ELF4: variants seen among roughly 807,000 people sequenced by gnomAD.
ELF4 encodes the protein E74 like ETS transcription factor 4, also known as ETS-related transcription factor Elf-4.
In ELF4, 10 loss-of-function variants were observed where a neutral mutation model predicts 31.7. The ratio of observed to expected loss-of-function variants is 0.32; its 90% CI spans 0.19 to 0.54. The LOEUF is 0.54. Ranked by LOEUF, ELF4 falls within the 20% of genes least tolerant of loss-of-function variation. The pLI is 0.95. For synonymous variants in ELF4, 208 were observed against 226.7 expected (o/e 0.92, Z 0.74); for missense variants, 418 against 522.0 (o/e 0.80, Z 1.94).
Position 130,072,384 on chromosome X carries a change from G to T in ELF4, c.374C>A (p.Pro125His). 1.6e-6 allele frequency: 2 copies of T among 1,212,262 alleles called. No individual in the cohort carries two copies. The highest frequency in any genetic ancestry group is 2.2e-6 in the Non-Finnish European group (2 of 895,599). Reference protein sequence around the residue: ...STSEMLPDSDPAPAVTLPNYL... With the variant: ...STSEMLPDSDHAPAVTLPNYL... ...GTTGGGCAGAGTGACAGCTGGTGCA[G>T]GGTCCGAGTCTGGAAGCATTTCGGA... The change falls in exon 5 of 9, where the codon CCT becomes CAT. Residue 125 changes from proline (P) to histidine (H), a missense_variant. This residue lies in a region of ELF4 where 88 missense variants were observed against 92.4 expected (regional missense o/e 0.95). Transcript: ENST00000308167.
chrX:130,073,948 A>G, intron 4 of ELF4, 101 bp downstream of exon 4: 1 of 845,260 alleles, frequency 1.2e-6, no homozygotes, highest in Non-Finnish European at 1.8e-6. Context: ...GTGCATGTAT[A>G]CCTGTGTGCA....
At chrX:130,098,217 T>G (rs1933185561) in intron 1 of ELF4, among the ~76,000 whole-genome samples, 1 of 111,600 alleles carries the variant, frequency 9.0e-6, no homozygotes, top group Non-Finnish European at 1.9e-5. Context: ...CATAGTGCTT[T>G]ATGCAGCTTG....
intron 1 of ELF4, among the ~76,000 whole-genome samples, chrX:130,100,290 G>A (rs954995870): frequency 7.2e-5 from 8 of 111,834 alleles, no homozygotes; most frequent in African/African-American, 2.0e-4. Context: ...CTGAGCTGGC[G>A]CCAACTCCTA....
intron 1 of ELF4, among the ~76,000 whole-genome samples, chrX:130,081,813 T>A (rs961571731): frequency 8.9e-6 from 1 of 112,115 alleles, no homozygotes; most frequent in African/African-American, 3.2e-5. Context: ...CATCTCGCAC[T>A]AGTCCCAAAG....
At chrX:130,093,660 G>A (rs1293078994) in intron 1 of ELF4, among the ~76,000 whole-genome samples, 1 of 112,224 alleles carries the variant, frequency 8.9e-6, no homozygotes, top group Non-Finnish European at 1.9e-5. Flanking sequence ...CAGTCCTCCT[G>A]GGGACAGGCC....
chrX:130,074,220 G>C, intron 3 of ELF4, 79 bp from the exon 4 acceptor site: 1 of 1,032,171 alleles, frequency 9.7e-7, no homozygotes. Context: ...TATAATCAGG[G>C]CCAGCCCGAA....
intron 3 of ELF4, 22 bp from the exon 4 acceptor site, chrX:130,074,163 G>C: frequency 8.3e-7 from 1 of 1,206,518 alleles, no homozygotes; most frequent in Non-Finnish European, 1.1e-6. Flanking sequence ...TCCATGGTGG[G>C]AGGAGAGAAG....
rs182805228 is a variant in ELF4 at position 130,080,351 on chromosome X, G to T, written c.75+905C>A. On this transcript the variant is annotated intron_variant, in intron 2 of 8. Coordinates refer to ENST00000308167, the MANE Select transcript of ELF4 (RefSeq NM_001421.4). ...AGGCAGGAGAATGGCTTGAACATGGGAGGCAGAGGTTGCAGTGAGCTGAGA... is the reference window on the plus strand; with the variant it reads ...AGGCAGGAGAATGGCTTGAACATGGTAGGCAGAGGTTGCAGTGAGCTGAGA... Among the ~76,000 whole-genome samples the T allele has an allele frequency of 4.2e-3, 447 of 106,262 alleles. 4 individuals are homozygous for T. The highest frequency in any genetic ancestry group is 0.015 in the African/African-American group (423 of 28,763). 92.3% of individuals were successfully genotyped at this position (106,262 alleles called of 115,157 possible). A position where few individuals can be genotyped will look rare whatever the true frequency, so the allele number is the denominator to read the frequency against.
Position 130,067,086 on chromosome X carries a change from A to C in ELF4, c.1627T>G (p.Ser543Ala). Residue 543 changes from serine to alanine, a missense_variant, in exon 9 of 9, where the codon TCC becomes GCC. Transcript: ENST00000308167. ...APRVKEGPLR[S>A]SSYVQGMVTG... The stretch of plus-strand genomic sequence containing the variant: ...ACCATACCCTGAACATAGGAGGAGG[A>C]CCTCAGTGGCCCCTCCTTGACCCTA... The C allele has an allele frequency of 8.3e-7, 1 of 1,208,249 alleles. No individual in the cohort carries two copies. Among genetic ancestry groups the C allele is most frequent in the Non-Finnish European group, 1.1e-6 (1 of 893,007 alleles).
At position 130,076,151 on chromosome X, in the gene ELF4, C is replaced by T. The variant is rs552172863; in HGVS notation, c.76-1399G>A. On this transcript the variant is annotated intron_variant, in intron 2 of 8. Coordinates refer to ENST00000308167, the MANE Select transcript of ELF4 (RefSeq NM_001421.4). ...AAGAAAATTGAGATGAGAATTCAAC[C>T]CCTAGAGAACAGAAGTGTTTTGAAA... Among the ~76,000 whole-genome samples the T allele has an allele frequency of 2.8e-4, 31 of 111,389 alleles. No homozygotes were observed. In the South Asian group the frequency reaches 0.011, roughly 40 times the overall value.
chrX:130,107,003 C>T (rs1041421626), intron 1 of ELF4, among the ~76,000 whole-genome samples: 3 of 112,423 alleles, frequency 2.7e-5, no homozygotes, highest in Non-Finnish European at 3.8e-5. Context: ...CAGCCAGGAG[C>T]AATGGCTCAC....
Position 130,066,450 on chromosome X carries a change from G to C in ELF4, c.*271C>G. The C allele has an allele frequency of 2.7e-6, 1 of 376,451 alleles. No homozygotes were observed. Among genetic ancestry groups the C allele is most frequent in the African/African-American group, 2.5e-5 (1 of 40,016 alleles). The allele number at this position is 376,451 out of a possible 1,213,427, so 31.0% of individuals were successfully genotyped here. A position where few individuals can be genotyped will look rare whatever the true frequency, so the allele number is the denominator to read the frequency against. On this transcript the variant is annotated 3_prime_UTR_variant, in exon 9 of 9. Coordinates refer to ENST00000308167, the MANE Select transcript of ELF4 (RefSeq NM_001421.4). ...AAACCCTGGCCACAAACTTCTGCCT[G>C]GCTCAAGGCTTTTTCCCTCCATCAC...
rs1932623223 is a variant in ELF4 at position 130,064,715 on chromosome X, C to T, written c.*2006G>A. ...GGAGAGCCCAGCTAGTGTGGGCTCA[C>T]GGGGGCCCGAGAACTGTGAAGAAGA... is the stretch of plus-strand genomic sequence containing the variant. On this transcript the variant is annotated 3_prime_UTR_variant, in exon 9 of 9. Transcript: ENST00000308167. Among the ~76,000 whole-genome samples the T allele has an allele frequency of 9.1e-6, 1 of 110,101 alleles. No homozygotes were observed. Among genetic ancestry groups the T allele is most frequent in the African/African-American group, 3.3e-5 (1 of 30,177 alleles).
intron 7 of ELF4, among the ~76,000 whole-genome samples, chrX:130,070,298 C>T (rs895180462): frequency 2.7e-5 from 3 of 111,398 alleles, no homozygotes; most frequent in Middle Eastern, 4.6e-3. Flanking sequence ...TGAGGCCAGG[C>T]GCCGTGACTC....
rs1158789153 is a variant in ELF4 at position 130,064,829 on chromosome X, G to C, written c.*1892C>G. 7.5e-6 allele frequency: 1 copy of C among 132,643 alleles called. No homozygotes were observed. Among genetic ancestry groups the C allele is most frequent in the Non-Finnish European group, 1.5e-5 (1 of 65,783 alleles). The allele number at this position is 132,643 out of a possible 1,213,427, so 10.9% of individuals were successfully genotyped here. A position where few individuals can be genotyped will look rare whatever the true frequency, so the allele number is the denominator to read the frequency against. On this transcript the variant is annotated 3_prime_UTR_variant, in exon 9 of 9. Coordinates refer to ENST00000308167, the MANE Select transcript of ELF4 (RefSeq NM_001421.4). The stretch of plus-strand genomic sequence containing the variant: ...AGGGGTGGCAGAAACCAGTTTTCAG[G>C]TGGGGGCGGGGCTACCCCAACCCAT...
At chrX:130,100,406 C>G (rs1933230505) in intron 1 of ELF4, among the ~76,000 whole-genome samples, 1 of 111,634 alleles carries the variant, frequency 9.0e-6, no homozygotes, top group Admixed American at 9.5e-5. Context: ...CCTTCACAGT[C>G]TGACCCCACC....
At position 130,101,841 on chromosome X, in the gene ELF4, C is replaced by CAA. The variant is rs1556225740; in HGVS notation, c.-210+8482_-210+8483dup. On this transcript the variant is annotated intron_variant, in intron 1 of 8. Transcript: ENST00000308167. Reference sequence around the variant, plus strand: ...CAAAACAAAACAAAACAAAACAAAACAAAAACAAGGCCAGACTGGGCGCAG... The same window carrying CAA: ...CAAAACAAAACAAAACAAAACAAAACAAAAAAACAAGGCCAGACTGGGCGCAG... Among the ~76,000 whole-genome samples the CAA allele has an allele frequency of 4.8e-5, 5 of 103,664 alleles. No individual in the cohort carries two copies. The East Asian group carries it at 1.5e-3, about 32-fold the overall frequency. The allele number at this position is 103,664 out of a possible 115,157, so 90.0% of individuals were successfully genotyped here.
At chrX:130,097,929 G>A (rs1933179973) in intron 1 of ELF4, among the ~76,000 whole-genome samples, 1 of 112,451 alleles carries the variant, frequency 8.9e-6, no homozygotes, top group African/African-American at 3.2e-5. Context: ...CCCCTCTCCT[G>A]CCATCTGGTC....
rs1047317446 is a variant in ELF4 at position 130,109,623 on chromosome X, G to A, written c.-210+702C>T. On this transcript the variant is annotated intron_variant, in intron 1 of 8. Coordinates refer to ENST00000308167, the MANE Select transcript of ELF4 (RefSeq NM_001421.4). ...ACGGTGGTGAGAAAAGGGAGTCAGG[G>A]TTAGGGTGCGGTGGAGGAGCCAGGA... Among the ~76,000 whole-genome samples, 6 of 112,016 alleles carry A rather than the reference G, an allele frequency of 5.4e-5. No individual in the cohort carries two copies. In the South Asian group the frequency reaches 2.2e-3, roughly 42 times the overall value.
Sources: gnomAD v4.1 joint callset for allele counts (sites outside exome capture counted in the v4.1 genomes callset) on GRCh38, gnomAD v4.1.1 for gene constraint, gnomAD v4.1.1 regional missense constraint, MANE v1.5 for transcripts, NCBI Gene and HGNC (gene_info 2026-07-23, HGNC 2026-07-21) for gene names.